PCDHGA4: variants seen among roughly 807,000 people sequenced by gnomAD.
PCDHGA4 encodes the protein protocadherin gamma subfamily A, 4.
In PCDHGA4, 38 loss-of-function variants were observed where a neutral mutation model predicts 54.6. That is an observed-to-expected ratio of 0.70 (90% CI 0.54 to 0.91). The LOEUF (loss-of-function observed/expected upper bound fraction) is 0.91. Among genes scored for constraint, PCDHGA4 ranks in the 40% least tolerant of loss-of-function variants. The pLI, the probability that PCDHGA4 is intolerant of heterozygous loss-of-function variation, is 0.00. For synonymous variants in PCDHGA4, 511 were observed against 512.9 expected (o/e 1.00, Z 0.05); for missense variants, 1,298 against 1,220.9 (o/e 1.06, Z -0.94).
intron 1 of PCDHGA4, chr5:141,403,224 A>G (rs753308307): frequency 2.0e-5 from 32 of 1,613,820 alleles, no homozygotes; most frequent in Non-Finnish European, 2.5e-5. Context: ...GGTAGGATAG[A>G]CCGGGAGGAG....
Position 141,511,065 on chromosome 5 carries a change from C to T in PCDHGA4, c.2781C>T (p.Ile927=). Residue 927 remains isoleucine, a synonymous_variant, in exon 4 of 4, where the codon ATC becomes ATT. Transcript: ENST00000571252. ...HVPDYRQNVY[I]PGSNATLTNA... ...CCGACTACCGCCAGAATGTCTACATCCCAGGCAGCAATGCCACACTGACCA... is the reference window on the plus strand; with the variant it reads ...CCGACTACCGCCAGAATGTCTACATTCCAGGCAGCAATGCCACACTGACCA... The T allele has an allele frequency of 6.2e-7, 1 of 1,614,222 alleles. No individual in the cohort carries two copies. Among genetic ancestry groups the T allele is most frequent in the Middle Eastern group, 1.6e-4 (1 of 6,062 alleles).
Position 141,430,658 on chromosome 5 carries a change from G to A in PCDHGA4, c.2515-64149G>A, listed in dbSNP as rs1350572230. ...CCTGGGAGTATGTGGAAACAACGGA[G>A]GAGCTCTGACTTCCCAACTGTCCCA... On this transcript the variant is annotated intron_variant, in intron 1 of 3. Coordinates refer to ENST00000571252, the MANE Select transcript of PCDHGA4 (RefSeq NM_018917.4). The A allele has an allele frequency of 7.2e-6, 8 of 1,105,688 alleles. No individual in the cohort carries two copies. The African/African-American group carries it at 9.5e-5, about 13-fold the overall frequency. The allele number at this position is 1,105,688 out of a possible 1,614,324, so 68.5% of individuals were successfully genotyped here. A position where few individuals can be genotyped will look rare whatever the true frequency, so the allele number is the denominator to read the frequency against.
intron 1 of PCDHGA4, chr5:141,422,710 G>T: frequency 6.2e-7 from 1 of 1,603,486 alleles, no homozygotes; most frequent in African/African-American, 1.3e-5. Context: ...TCTGACGGAT[G>T]ACACTGTCCA....
chr5:141,497,122 G>A (rs1407489807), intron 2 of PCDHGA4, among the ~76,000 whole-genome samples: 1 of 151,992 alleles, frequency 6.6e-6, no homozygotes, highest in East Asian at 1.9e-4. Flanking sequence ...GAAGGCAGAG[G>A]TTGCAGTGAG....
chr5:141,484,591 T>C (rs2099597977), intron 1 of PCDHGA4, among the ~76,000 whole-genome samples: 1 of 152,020 alleles, frequency 6.6e-6, no homozygotes, highest in African/African-American at 2.4e-5. Flanking sequence ...AAGCTACTCA[T>C]TTAGAATACT....
chr5:141,360,495 A>G, intron 1 of PCDHGA4: 1 of 1,613,988 alleles, frequency 6.2e-7, no homozygotes, highest in Non-Finnish European at 8.5e-7. Context: ...TCTACATAGC[A>G]GTAATTGTGC....
chr5:141,398,689 G>A (rs6867460), intron 1 of PCDHGA4: 228,699 of 1,613,720 alleles, frequency 0.14, 18,438 homozygotes, highest in African/African-American at 0.32. Context: ...GAAACAGGAT[G>A]GTAGTAAATA....
chr5:141,365,897 G>C, intron 1 of PCDHGA4: 1 of 1,614,214 alleles, frequency 6.2e-7, no homozygotes, highest in East Asian at 2.2e-5. Flanking sequence ...CTTCGACTAT[G>C]AGCAGTTGAG....
At chr5:141,424,901 C>G (rs2096846997) in intron 1 of PCDHGA4, among the ~76,000 whole-genome samples, 1 of 152,134 alleles carries the variant, frequency 6.6e-6, no homozygotes, top group African/African-American at 2.4e-5. Context: ...TTTTTGATCA[C>G]AGGAATCATT....
Position 141,511,315 on chromosome 5 carries a change from G to A in PCDHGA4, c.*142G>A. ...AAGGCCATGCTCCCCTTGGGAAACA[G>A]AAACAAGTGCCCAGTCAGCACCTAC... On this transcript the variant is annotated 3_prime_UTR_variant, in exon 4 of 4. Coordinates refer to ENST00000571252, the MANE Select transcript of PCDHGA4 (RefSeq NM_018917.4). 6.8e-7 allele frequency: 1 copy of A among 1,481,384 alleles called. No individual in the cohort carries two copies. Among genetic ancestry groups the A allele is most frequent in the Non-Finnish European group, 9.0e-7 (1 of 1,110,974 alleles). 91.8% of individuals were successfully genotyped at this position (1,481,384 alleles called of 1,614,324 possible).
rs576594507 is a variant in PCDHGA4, at chr5:141,397,831, A to T, written c.2514+40210A>T. On this transcript the variant is annotated intron_variant, in intron 1 of 3. Transcript: ENST00000571252. ...CACAAAAACAATTACTGCACTGGTT[A>T]ACTTGAAGCCGCAGAGGCTGTAGTT... 9.5e-4 allele frequency among the ~76,000 whole-genome samples: 145 copies of T among 152,360 alleles called. 1 individual carries two copies. The highest frequency in any genetic ancestry group is 1.8e-3 in the Non-Finnish European group (124 of 68,036).
chr5:141,383,204 G>A lies in PCDHGA4; in HGVS notation c.2514+25583G>A, dbSNP rs372087170. 3 of 1,613,922 alleles carry A rather than the reference G, an allele frequency of 1.9e-6. No individual in the cohort carries two copies. In the African/African-American group the frequency reaches 4.0e-5, roughly 22 times the overall value. On this transcript the variant is annotated intron_variant, in intron 1 of 3. Coordinates refer to ENST00000571252, the MANE Select transcript of PCDHGA4 (RefSeq NM_018917.4). ...GAGATCTGCGCTCAGAGTGCGCGGTGTCTGGTAAACTTTAACATCCTGATG... is the reference window on the plus strand; with the variant it reads ...GAGATCTGCGCTCAGAGTGCGCGGTATCTGGTAAACTTTAACATCCTGATG...
In PCDHGA4 at chr5:141,477,294, C is replaced by G. The variant is rs753131175; in HGVS notation, c.2515-17513C>G. On this transcript the variant is annotated intron_variant, in intron 1 of 3. Coordinates refer to ENST00000571252, the MANE Select transcript of PCDHGA4 (RefSeq NM_018917.4). This position sits in a 1 kb window ranked among gnomAD's most constrained non-coding sequence, Gnocchi z 4.9. ...GGGCTGGTGACCTGCGAAGTTCCACCGGGTCTCCCTTTCAGCCTTACTTCT... is the reference window on the plus strand; with the variant it reads ...GGGCTGGTGACCTGCGAAGTTCCACGGGGTCTCCCTTTCAGCCTTACTTCT... The G allele has an allele frequency of 2.1e-5, 34 of 1,614,024 alleles. No individual in the cohort carries two copies. Among genetic ancestry groups the G allele is most frequent in the Non-Finnish European group, 2.9e-5 (34 of 1,180,036 alleles).
At chr5:141,400,415 T>C (rs1054517262) in intron 1 of PCDHGA4, 16 of 1,614,080 alleles carry the variant, frequency 9.9e-6, no homozygotes, top group Non-Finnish European at 1.3e-5. Flanking sequence ...TTTAATTTCC[T>C]AAAATGTAGT....
chr5:141,415,301 T>C, intron 1 of PCDHGA4: 1 of 1,614,230 alleles, frequency 6.2e-7, no homozygotes, highest in South Asian at 1.1e-5. Context: ...TGCGTCTTCC[T>C]GGCCTTCGTC....
chr5:141,375,189 T>A, intron 1 of PCDHGA4: 1 of 1,613,998 alleles, frequency 6.2e-7, no homozygotes, highest in Non-Finnish European at 8.5e-7. Context: ...ATCGCCCTTT[T>A]TCAAGTGTTC....
chr5:141,357,390 C>T lies in PCDHGA4; in HGVS notation c.2283C>T (p.Ser761=), dbSNP rs367807527. ...CACGCCTGCTTCACGCTGAAGGCAG[C>T]AGGTTGGCAGGTGTGCCTGCCTCGC... ...HKSRLLHAEG[S]RLAGVPASHF... is the part of the protein sequence containing the mutation. The change falls in exon 1 of 4, where the codon AGC becomes AGT. Residue 761 remains serine, a synonymous_variant. Transcript: ENST00000571252. The T allele has an allele frequency of 3.1e-6, 5 of 1,614,122 alleles. No homozygotes were observed. The highest frequency in any genetic ancestry group is 4.2e-6 in the Non-Finnish European group (5 of 1,180,044).
Position 141,477,797 on chromosome 5 carries a change from A to G in PCDHGA4, c.2515-17010A>G. ...CGTGAACATATTTGTCACTGATCGC[A>G]ATGACAATGCCCCCCAGGTCCTATA... On this transcript the variant is annotated intron_variant, in intron 1 of 3. Coordinates refer to ENST00000571252, the MANE Select transcript of PCDHGA4 (RefSeq NM_018917.4). This position sits in a 1 kb window ranked among gnomAD's most constrained non-coding sequence, Gnocchi z 4.9. 1.2e-6 allele frequency: 2 copies of G among 1,614,082 alleles called. No individual in the cohort carries two copies. Among genetic ancestry groups the G allele is most frequent in the Non-Finnish European group, 1.7e-6 (2 of 1,180,032 alleles).
At chr5:141,370,501 C>G in intron 1 of PCDHGA4, 1 of 1,613,952 alleles carries the variant, frequency 6.2e-7, no homozygotes, top group South Asian at 1.1e-5. Flanking sequence ...ATCCGCTACG[C>G]TATTCCCGAG....
Sources: gnomAD v4.1 joint callset for allele counts (sites outside exome capture counted in the v4.1 genomes callset) on GRCh38, gnomAD v4.1.1 for gene constraint, Gnocchi (gnomAD v3.1) non-coding constraint, MANE v1.5 for transcripts, NCBI Gene and HGNC (gene_info 2026-07-23, HGNC 2026-07-21) for gene names.